The following CLK3 variants were observed in gnomAD, a reference collection of about 807,000 sequenced individuals.
CLK3 encodes dual specificity protein kinase CLK3.
Under a neutral mutation model 65.2 loss-of-function variants are expected in CLK3, and 24 were observed. The observed-to-expected ratio is 0.37, with a 90% CI of 0.27 to 0.52. The LOEUF is 0.52. Ranked by LOEUF, CLK3 falls within the 20% of genes least tolerant of loss-of-function variation. The probability of loss-of-function intolerance (pLI) is 0.92; values close to 1 mark genes in which losing one functional copy is unlikely to be tolerated. For missense variants in CLK3, 506 were observed against 660.0 expected, an observed-to-expected ratio of 0.77 and a Z score of 2.56; for synonymous variants, 252 against 240.8, an observed-to-expected ratio of 1.05 and a Z score of -0.43.
intron 2 of CLK3, 147 bp downstream of exon 2, chr15:74,619,495 AC>A (rs1449116728): frequency 1.2e-6 from 1 of 810,554 alleles, no homozygotes; most frequent in East Asian, 2.7e-5. Context: ...CACTAACCTC[AC>A]CTGCATGCCT....
chr15:74,616,724 C>A (rs1196143123), intron 1 of CLK3, among the ~76,000 whole-genome samples: 2 of 152,206 alleles, frequency 1.3e-5, no homozygotes, highest in East Asian at 3.8e-4. Flanking sequence ...AGTGGTAGGG[C>A]AGTCCAGCCA....
intron 1 of CLK3, among the ~76,000 whole-genome samples, chr15:74,617,741 C>A (rs1256089926): frequency 6.6e-6 from 1 of 152,216 alleles, no homozygotes; most frequent in Non-Finnish European, 1.5e-5. Context: ...CCTTGTGGCA[C>A]GACATGTGCC....
intron 7 of CLK3, among the ~76,000 whole-genome samples, chr15:74,626,384 C>T (rs191267728): frequency 6.6e-6 from 1 of 152,330 alleles, no homozygotes; most frequent in Non-Finnish European, 1.5e-5. Context: ...CCTGGAAAAG[C>T]ATTATTTGGC....
chr15:74,627,871 G>A lies in CLK3; in HGVS notation c.1043-99G>A. 8.2e-7 allele frequency: 1 copy of A among 1,213,088 alleles called. No homozygotes were observed. The highest frequency in any genetic ancestry group is 1.2e-6 in the Non-Finnish European group (1 of 824,196). 75.1% of individuals were successfully genotyped at this position (1,213,088 alleles called of 1,614,324 possible). On this transcript the variant is annotated intron_variant, in intron 9 of 12. Transcript: ENST00000395066. This position sits in a 1 kb window ranked among gnomAD's most constrained non-coding sequence, Gnocchi z 4.3. ...GAGAGAGGGCCTCGTACTGGGATTTGGGCAAGAGTCCTGCCAGCCGGTGTG... is the reference window on the plus strand; with the variant it reads ...GAGAGAGGGCCTCGTACTGGGATTTAGGCAAGAGTCCTGCCAGCCGGTGTG...
intron 5 of CLK3, chr15:74,623,877 G>C (rs1250304785): frequency 6.6e-6 from 1 of 152,266 alleles, no homozygotes; most frequent in Non-Finnish European, 1.5e-5. Context: ...GACAGGGGCT[G>C]CCTTGGAAGT....
At chr15:74,609,318 G>A (rs2061955228) in intron 1 of CLK3, among the ~76,000 whole-genome samples, 1 of 152,232 alleles carries the variant, frequency 6.6e-6, no homozygotes, top group South Asian at 2.1e-4. Context: ...CTACGACTCT[G>A]GACCAGTGCC....
chr15:74,610,878 C>T (rs2061980942), upstream of CLK3, among the ~76,000 whole-genome samples: 1 of 152,242 alleles, frequency 6.6e-6, no homozygotes, highest in Non-Finnish European at 1.5e-5. Flanking sequence ...GCTTGCGTAA[C>T]TGGGCCATCA....
At chr15:74,629,275 A>G (rs1250902313) in intron 12 of CLK3, 6 of 612,198 alleles carry the variant, frequency 9.8e-6, no homozygotes, top group Non-Finnish European at 1.8e-5. Context: ...ACACCAGAAG[A>G]GCCAGATGTC....
Position 74,628,703 on chromosome 15 carries a change from C to A in CLK3, c.1205+20C>A. 6.3e-6 allele frequency: 10 copies of A among 1,599,642 alleles called. No individual in the cohort carries two copies. Among genetic ancestry groups the A allele is most frequent in the Non-Finnish European group, 8.5e-6 (10 of 1,171,530 alleles). ...TACCAGGTAAGGACCCCAGTAGCCC[C>A]CTCAGGGTTGGTATAGAGGCCTTTC... On this transcript the variant is annotated intron_variant, in intron 11 of 12. Transcript: ENST00000395066.
At chr15:74,615,814 G>T (rs1274814517), upstream of CLK3, 2 of 1,246,636 alleles carry the variant, frequency 1.6e-6, no homozygotes, top group Admixed American at 4.2e-5. Context: ...GGGCGGGGCT[G>T]CCACGGGCGG....
chr15:74,627,783 A>C lies in CLK3; in HGVS notation c.1042+115A>C, dbSNP rs1231396507. 2.0e-6 allele frequency: 3 copies of C among 1,466,346 alleles called. No individual in the cohort carries two copies. The Admixed American group carries it at 5.2e-5, about 25-fold the overall frequency. 90.8% of individuals were successfully genotyped at this position (1,466,346 alleles called of 1,614,324 possible). On this transcript the variant is annotated intron_variant, in intron 9 of 12. Transcript: ENST00000395066. The surrounding 1 kb of genome is among the most constrained non-coding windows in gnomAD (Gnocchi z 4.3). The stretch of plus-strand genomic sequence containing the variant: ...CCACCCAGGGCAGGCAGAGTTTCTC[A>C]GACCAAGGGGCCAGTGTCATGAGAC...
rs1202895669 is a variant in CLK3, at chr15:74,625,102, C to T, written c.650+84C>T. Reference sequence around the variant, plus strand: ...GCTTAGTAGTGTGCCTTCACCCATCCGCACTGTGCCTTCTCCCCACACTCA... The same window carrying T: ...GCTTAGTAGTGTGCCTTCACCCATCTGCACTGTGCCTTCTCCCCACACTCA... On this transcript the variant is annotated intron_variant, in intron 6 of 12. Transcript: ENST00000395066. 3.4e-5 allele frequency: 32 copies of T among 947,886 alleles called. 1 individual carries two copies. In the South Asian group the frequency reaches 3.4e-4, roughly 10 times the overall value. 58.7% of individuals were successfully genotyped at this position (947,886 alleles called of 1,614,324 possible). A position where few individuals can be genotyped will look rare whatever the true frequency, so the allele number is the denominator to read the frequency against.
chr15:74,615,553 C>T, upstream of CLK3: 1 of 1,275,278 alleles, frequency 7.8e-7, no homozygotes, highest in Non-Finnish European at 9.9e-7. Context: ...GGCCCCACCT[C>T]TCGGCTCTGA....
intron 1 of CLK3, 81 bp from the exon 2 acceptor site, chr15:74,619,116 C>A: frequency 6.4e-7 from 1 of 1,560,344 alleles, no homozygotes; most frequent in Non-Finnish European, 8.7e-7. Context: ...TCTTCAGGAG[C>A]AACCGGGAAG....
chr15:74,616,517 C>T (rs1463176161), intron 1 of CLK3, among the ~76,000 whole-genome samples: 2 of 152,250 alleles, frequency 1.3e-5, no homozygotes, highest in Admixed American at 6.5e-5. Context: ...GCTGCTCCTC[C>T]GTCCCGCCCG....
Position 74,627,778 on chromosome 15 carries a change from T to A in CLK3, c.1042+110T>A. 6.7e-7 allele frequency: 1 copy of A among 1,498,614 alleles called. No individual in the cohort carries two copies. Among genetic ancestry groups the A allele is most frequent in the Non-Finnish European group, 9.2e-7 (1 of 1,087,166 alleles). The allele number at this position is 1,498,614 out of a possible 1,614,324, so 92.8% of individuals were successfully genotyped here. A position where few individuals can be genotyped will look rare whatever the true frequency, so the allele number is the denominator to read the frequency against. ...CTCTGCCACCCAGGGCAGGCAGAGTTTCTCAGACCAAGGGGCCAGTGTCAT... is the reference window on the plus strand; with the variant it reads ...CTCTGCCACCCAGGGCAGGCAGAGTATCTCAGACCAAGGGGCCAGTGTCAT... On this transcript the variant is annotated intron_variant, in intron 9 of 12. Transcript: ENST00000395066. This position sits in a 1 kb window ranked among gnomAD's most constrained non-coding sequence, Gnocchi z 4.3.
At chr15:74,619,411 T>A in intron 2 of CLK3, 63 bp downstream of exon 2, 1 of 1,570,116 alleles carries the variant, frequency 6.4e-7, no homozygotes. Flanking sequence ...CTGTGGCAGC[T>A]CCAGACTCCT....
chr15:74,622,238 C>CT lies in CLK3; in HGVS notation c.466+25dup. 1 of 1,601,502 alleles carries CT rather than the reference C, an allele frequency of 6.2e-7. No individual in the cohort carries two copies. The highest frequency in any genetic ancestry group is 8.6e-7 in the Non-Finnish European group (1 of 1,169,250). On this transcript the variant is annotated intron_variant, in intron 4 of 12. Transcript: ENST00000395066. The surrounding 1 kb of genome is among the most constrained non-coding windows in gnomAD (Gnocchi z 4.6). The stretch of plus-strand genomic sequence containing the variant: ...CGATGTACAGCCACCTTTCGTAAAA[C>CT]TTTACCTCTCTACTTTCTACCCCCC...
upstream of CLK3, chr15:74,615,337 A>T: frequency 2.0e-6 from 2 of 1,000,310 alleles, no homozygotes; most frequent in Non-Finnish European, 2.6e-6. Context: ...AAACCCGCAC[A>T]CACCAAGATA....
Sources: gnomAD v4.1 joint callset for allele counts (sites outside exome capture counted in the v4.1 genomes callset) on GRCh38, gnomAD v4.1.1 for gene constraint, Gnocchi (gnomAD v3.1) non-coding constraint, MANE v1.5 for transcripts, NCBI Gene and HGNC (gene_info 2026-07-23, HGNC 2026-07-21) for gene names.